TNFSF13B: variants seen among roughly 807,000 people sequenced by gnomAD.
TNFSF13B encodes the protein TNF superfamily member 13b, also known as tumor necrosis factor ligand superfamily member 13B.
A neutral mutation model predicts 29.1 loss-of-function variants in TNFSF13B; 8 were observed. The ratio of observed to expected loss-of-function variants is 0.27; its 90% CI spans 0.16 to 0.50. The LOEUF (loss-of-function observed/expected upper bound fraction) is 0.50, where lower values mean the gene tolerates loss of function less well. Among genes scored for constraint, TNFSF13B ranks in the 20% least tolerant of loss-of-function variants. TNFSF13B has a pLI of 0.98. For synonymous variants in TNFSF13B, 125 were observed against 130.8 expected (o/e 0.96, Z 0.30); for missense variants, 248 against 334.9 (o/e 0.74, Z 2.03).
chr13:108,287,121 G>A lies in TNFSF13B; in HGVS notation c.481+262G>A, dbSNP rs189170321. 1.7e-3 allele frequency among the ~76,000 whole-genome samples: 220 copies of A among 129,380 alleles called. 3 individuals carry two copies. The East Asian group carries it at 0.02, about 12-fold the overall frequency. 84.9% of individuals were successfully genotyped at this position (129,380 alleles called of 152,430 possible). On this transcript the variant is annotated intron_variant, in intron 3 of 5. Coordinates refer to ENST00000375887, the MANE Select transcript of TNFSF13B (RefSeq NM_006573.5). ...AACATCACACACCGGGGCCTGTTGT[G>A]GGGTGGGGGGAGGGGGGAGGGATAG...
rs1368016244 is a variant in TNFSF13B at position 108,295,367 on chromosome 13, A to G, written c.482-7886A>G. 1.4e-5 allele frequency among the ~76,000 whole-genome samples: 2 copies of G among 143,662 alleles called. 1 individual carries two copies. Among genetic ancestry groups the G allele is most frequent in the Non-Finnish European group, 3.1e-5 (2 of 65,014 alleles). 94.2% of individuals were successfully genotyped at this position (143,662 alleles called of 152,430 possible). ...TTTTATTTATTTATTTATTTTTTGTATTTTTAGTAGAGACTGGATTTCACC... is the reference window on the plus strand; with the variant it reads ...TTTTATTTATTTATTTATTTTTTGTGTTTTTAGTAGAGACTGGATTTCACC... On this transcript the variant is annotated intron_variant, in intron 3 of 5. Transcript: ENST00000375887.
chr13:108,270,766 C>A, intron 2 of TNFSF13B, among the ~76,000 whole-genome samples: 2 of 152,060 alleles, frequency 1.3e-5, no homozygotes, highest in East Asian at 3.8e-4. Flanking sequence ...TTATTCATCA[C>A]TCCAGAAAAA....
chr13:108,290,218 G>A (rs1356389718), intron 3 of TNFSF13B, among the ~76,000 whole-genome samples: 2 of 151,986 alleles, frequency 1.3e-5, no homozygotes, highest in Non-Finnish European at 2.9e-5. Context: ...CCTGTGTACA[G>A]AGATCCTCAT....
At chr13:108,293,701 T>G (rs992072822) in intron 3 of TNFSF13B, among the ~76,000 whole-genome samples, 1 of 152,184 alleles carries the variant, frequency 6.6e-6, no homozygotes, top group South Asian at 2.1e-4. Flanking sequence ...TCAGTTCAGT[T>G]TGCTATAACA....
intron 3 of TNFSF13B, among the ~76,000 whole-genome samples, chr13:108,293,061 T>C (rs1008258149): frequency 1.3e-5 from 2 of 152,180 alleles, no homozygotes; most frequent in African/African-American, 4.8e-5. Flanking sequence ...TTATGTCTTA[T>C]ATTTAGGTAA....
chr13:108,269,829 A>G lies in TNFSF13B; in HGVS notation c.-67A>G. On this transcript the variant is annotated 5_prime_UTR_variant, in exon 1 of 6. Coordinates refer to ENST00000375887, the MANE Select transcript of TNFSF13B (RefSeq NM_006573.5). ...CAGGACATCAACAAACACAGATAACAGGAAATGATCCATTCCCTGTGGTCA... is the reference window on the plus strand; with the variant it reads ...CAGGACATCAACAAACACAGATAACGGGAAATGATCCATTCCCTGTGGTCA... 1 of 1,408,988 alleles carries G rather than the reference A, an allele frequency of 7.1e-7. No individual in the cohort carries two copies. Among genetic ancestry groups the G allele is most frequent in the Non-Finnish European group, 9.7e-7 (1 of 1,035,744 alleles). 87.3% of individuals were successfully genotyped at this position (1,408,988 alleles called of 1,614,324 possible). A position where few individuals can be genotyped will look rare whatever the true frequency, so the allele number is the denominator to read the frequency against.
Position 108,269,989 on chromosome 13 carries a change from C to G in TNFSF13B, c.94C>G (p.Pro32Ala), listed in dbSNP as rs1435139414. Residue 32 changes from proline to alanine, a missense_variant, in exon 1 of 6, where the codon CCA becomes GCA. Around this residue, in one of 2 missense-constraint regions of TNFSF13B, gnomAD observed 186 missense variants for 196.3 expected, o/e 0.95. Coordinates refer to ENST00000375887, the MANE Select transcript of TNFSF13B (RefSeq NM_006573.5). ...MKLKECVSIL[P>A]RKESPSVRSS... is the part of the protein sequence containing the mutation. ...ACTGAAGGAGTGTGTTTCCATCCTC[C>G]CACGGAAGGAAAGCCCCTCTGTCCG... is the stretch of plus-strand genomic sequence containing the variant. 2 of 1,613,534 alleles carry G rather than the reference C, an allele frequency of 1.2e-6. No individual in the cohort carries two copies. The highest frequency in any genetic ancestry group is 3.3e-5 in the Admixed American group (2 of 60,020).
chr13:108,292,051 AACC>A (rs1881330652), intron 3 of TNFSF13B, among the ~76,000 whole-genome samples: 1 of 144,060 alleles, frequency 6.9e-6, no homozygotes, highest in South Asian at 2.3e-4. Context: ...AATATTTTAC[AACC>A]ACCAACTCTC....
At chr13:108,273,281 A>G (rs768780560) in intron 2 of TNFSF13B, among the ~76,000 whole-genome samples, 1 of 152,126 alleles carries the variant, frequency 6.6e-6, no homozygotes, top group East Asian at 1.9e-4. Flanking sequence ...TAGATTTGTG[A>G]TAATTTGAAA....
chr13:108,294,172 T>C (rs1479806281), intron 3 of TNFSF13B, among the ~76,000 whole-genome samples: 4 of 149,026 alleles, frequency 2.7e-5, no homozygotes, highest in Non-Finnish European at 4.4e-5. Context: ...GATTTTTTTG[T>C]AAATTCATGG....
At position 108,306,543 on chromosome 13, in the gene TNFSF13B, A is replaced by G. The variant is rs979679323; in HGVS notation, c.746-283A>G. Among the ~76,000 whole-genome samples, 29 of 151,948 alleles carry G rather than the reference A, an allele frequency of 1.9e-4. 1 individual carries two copies. Among genetic ancestry groups the G allele is most frequent in the African/African-American group, 6.5e-4 (27 of 41,432 alleles). On this transcript the variant is annotated intron_variant, in intron 5 of 5. Coordinates refer to ENST00000375887, the MANE Select transcript of TNFSF13B (RefSeq NM_006573.5). ...TCAAGGGATGTTCCATGATTTACCTAATTGTTTAAAAAGTTATATATTGGG... is the reference window on the plus strand; with the variant it reads ...TCAAGGGATGTTCCATGATTTACCTGATTGTTTAAAAAGTTATATATTGGG...
At chr13:108,276,097 C>G (rs1030648712) in intron 2 of TNFSF13B, among the ~76,000 whole-genome samples, 2 of 152,166 alleles carry the variant, frequency 1.3e-5, no homozygotes, top group African/African-American at 4.8e-5. Context: ...CCAGTCTTTG[C>G]CCGGTTGGCA....
At chr13:108,272,393 A>T (rs554538440) in intron 2 of TNFSF13B, among the ~76,000 whole-genome samples, 4 of 152,114 alleles carry the variant, frequency 2.6e-5, no homozygotes, top group African/African-American at 9.6e-5. Flanking sequence ...TCTTTAAAAA[A>T]TTTTCCCTAA....
chr13:108,283,720 G>A (rs1280291148), intron 2 of TNFSF13B, among the ~76,000 whole-genome samples: 1 of 152,168 alleles, frequency 6.6e-6, no homozygotes. Flanking sequence ...TCAGGGGGCC[G>A]GAAGTCCAAG....
rs61972017 is a variant in TNFSF13B, at chr13:108,306,765, A to C, written c.746-61A>C. On this transcript the variant is annotated intron_variant, in intron 5 of 5. Coordinates refer to ENST00000375887, the MANE Select transcript of TNFSF13B (RefSeq NM_006573.5). ...TTTACAGAACAAAATAGTTTTATTT[A>C]AGATTCTTTTCTTTTCTGTTGTATA... 14,530 of 995,560 alleles carry C rather than the reference A, an allele frequency of 0.015. 128 individuals are homozygous for C. The highest frequency in any genetic ancestry group is 0.018 in the Non-Finnish European group (11,565 of 657,922). The allele number at this position is 995,560 out of a possible 1,614,324, so 61.7% of individuals were successfully genotyped here.
chr13:108,298,640 A>C (rs1217027777), intron 3 of TNFSF13B, among the ~76,000 whole-genome samples: 1 of 144,872 alleles, frequency 6.9e-6, no homozygotes. Context: ...TATTCTTTAG[A>C]CTCAGTTTGT....
At chr13:108,297,034 C>T (rs886657574) in intron 3 of TNFSF13B, among the ~76,000 whole-genome samples, 1 of 145,154 alleles carries the variant, frequency 6.9e-6, no homozygotes, top group Non-Finnish European at 1.5e-5. Flanking sequence ...ATGTATGTAC[C>T]TTTACTTGTA....
At chr13:108,288,073 T>A (rs1037119321) in intron 3 of TNFSF13B, among the ~76,000 whole-genome samples, 1 of 152,218 alleles carries the variant, frequency 6.6e-6, no homozygotes. Context: ...TGTTTAACTT[T>A]GTTTCATCCA....
At chr13:108,293,127 C>G (rs1345156877) in intron 3 of TNFSF13B, among the ~76,000 whole-genome samples, 1 of 151,970 alleles carries the variant, frequency 6.6e-6, no homozygotes, top group African/African-American at 2.4e-5. Flanking sequence ...CCAAAATCAT[C>G]TTTTAGCATG....
Sources: gnomAD v4.1 joint callset for allele counts (sites outside exome capture counted in the v4.1 genomes callset) on GRCh38, gnomAD v4.1.1 for gene constraint, gnomAD v4.1.1 regional missense constraint, MANE v1.5 for transcripts, NCBI Gene and HGNC (gene_info 2026-07-23, HGNC 2026-07-21) for gene names.